Variants in MECOM observed in about 807,000 individuals in gnomAD.
The protein encoded by MECOM is MDS1 and EVI1 complex locus.
In MECOM, 13 loss-of-function variants were observed where a neutral mutation model predicts 116.3. The ratio of observed to expected loss-of-function variants is 0.11; its 90% confidence interval spans 0.07 to 0.18. The LOEUF (loss-of-function observed/expected upper bound fraction) is 0.18, where lower values mean the gene tolerates loss of function less well. Among genes scored for constraint, MECOM ranks in the 10% least tolerant of loss-of-function variants. The probability of loss-of-function intolerance (pLI) is 1.00; values close to 1 mark genes in which losing one functional copy is unlikely to be tolerated. For synonymous variants in MECOM, 528 were observed against 535.2 expected (o/e 0.99, Z 0.19); for missense variants, 1,299 against 1,509.0 (o/e 0.86, Z 2.31).
At chr3:169,428,540 G>A (rs1338312964) in intron 1 of MECOM, among the ~76,000 whole-genome samples, 6 of 152,162 alleles carry the variant, frequency 3.9e-5, no homozygotes, top group East Asian at 1.9e-4. Context: ...GCCGTGGACC[G>A]GTACTGCAGG....
chr3:169,312,596 T>A (rs1719003158), intron 2 of MECOM, among the ~76,000 whole-genome samples: 1 of 152,082 alleles, frequency 6.6e-6, no homozygotes, highest in Admixed American at 6.5e-5. Flanking sequence ...GCCAGGATGG[T>A]CTCGATCTCC....
At chr3:169,092,651 G>C (rs1720117446) in intron 14 of MECOM, among the ~76,000 whole-genome samples, 1 of 152,076 alleles carries the variant, frequency 6.6e-6, no homozygotes, top group Non-Finnish European at 1.5e-5. Context: ...TCTGGAACCA[G>C]AGAGCTCAGG....
intron 2 of MECOM, among the ~76,000 whole-genome samples, chr3:169,191,712 GAAAGAAAA>G (rs1559973074): frequency 6.1e-4 from 27 of 44,332 alleles, no homozygotes; most frequent in East Asian, 4.9e-3. Context: ...AAGAAAGAAA[GAAAGAAAA>G]AAAGAAAGAA....
intron 1 of MECOM, among the ~76,000 whole-genome samples, chr3:169,610,531 A>AT (rs1769133905): frequency 6.7e-6 from 1 of 149,332 alleles, no homozygotes; most frequent in Non-Finnish European, 1.5e-5. Context: ...GTGTGTGTAT[A>AT]ATATCCCTAT....
chr3:169,157,353 C>T (rs1742148737), intron 2 of MECOM, among the ~76,000 whole-genome samples: 1 of 152,162 alleles, frequency 6.6e-6, no homozygotes, highest in South Asian at 2.1e-4. Flanking sequence ...TTTCATGAAA[C>T]ATTTATCCTT....
chr3:169,451,002 C>A (rs1246798587), intron 1 of MECOM, among the ~76,000 whole-genome samples: 2 of 152,176 alleles, frequency 1.3e-5, no homozygotes, highest in African/African-American at 4.8e-5. Context: ...ATAAAAGCCT[C>A]TGGAATATCA....
intron 2 of MECOM, among the ~76,000 whole-genome samples, chr3:169,311,794 C>G (rs1718825645): frequency 6.6e-6 from 1 of 151,968 alleles, no homozygotes; most frequent in African/African-American, 2.4e-5. Context: ...TACTAAAAGA[C>G]AAGCTCATGA....
chr3:169,270,301 A>T (rs900859535), intron 2 of MECOM, among the ~76,000 whole-genome samples: 1 of 152,276 alleles, frequency 6.6e-6, no homozygotes, highest in South Asian at 2.1e-4. Flanking sequence ...AGTGAAAAAT[A>T]AATCCTAAAT....
At chr3:169,513,077 C>T (rs1578310808) in intron 1 of MECOM, among the ~76,000 whole-genome samples, 1 of 152,312 alleles carries the variant, frequency 6.6e-6, no homozygotes, top group East Asian at 1.9e-4. Flanking sequence ...CCAAATGTGA[C>T]TTATTTTGTT....
At chr3:169,183,088 C>G (rs1746187704) in intron 2 of MECOM, among the ~76,000 whole-genome samples, 1 of 152,126 alleles carries the variant, frequency 6.6e-6, no homozygotes, top group Non-Finnish European at 1.5e-5. Flanking sequence ...ACTTATAATG[C>G]TAATCTCATT....
intron 2 of MECOM, among the ~76,000 whole-genome samples, chr3:169,166,069 A>G (rs1455118347): frequency 1.3e-5 from 2 of 152,120 alleles, no homozygotes; most frequent in East Asian, 3.9e-4. Context: ...TCTCTTTTTA[A>G]TTCCTGTTCT....
rs181711360 is a variant in MECOM at position 169,227,670 on chromosome 3, T to A, written c.376-83838A>T. On this transcript the variant is annotated intron_variant, in intron 2 of 16. Transcript: ENST00000651503. ...CACAAACTTTTGCCCAAGAAATGCG[T>A]TGGAAAGGGGGAATGGGTGAAAAGT... Among the ~76,000 whole-genome samples the A allele has an allele frequency of 8.5e-5, 13 of 152,160 alleles. No individual in the cohort carries two copies. The East Asian group carries it at 2.3e-3, about 27-fold the overall frequency.
chr3:169,640,578 C>T (rs1374447210), intron 1 of MECOM, among the ~76,000 whole-genome samples: 3 of 152,194 alleles, frequency 2.0e-5, no homozygotes, highest in Non-Finnish European at 1.5e-5. Context: ...GTAACAGTAG[C>T]AGCTTTACAG....
chr3:169,295,851 A>G (rs989450297), intron 2 of MECOM, among the ~76,000 whole-genome samples: 4 of 152,246 alleles, frequency 2.6e-5, no homozygotes, highest in Admixed American at 6.5e-5. Context: ...AATAAAAAAC[A>G]AGTATTACAA....
At chr3:169,315,882 A>G (rs1281536750) in intron 2 of MECOM, among the ~76,000 whole-genome samples, 2 of 152,240 alleles carry the variant, frequency 1.3e-5, no homozygotes, top group Non-Finnish European at 2.9e-5. Context: ...TGCTATATAA[A>G]GGCATAGCCC....
At chr3:169,594,906 G>T (rs987654600) in intron 1 of MECOM, among the ~76,000 whole-genome samples, 1 of 148,424 alleles carries the variant, frequency 6.7e-6, no homozygotes, top group African/African-American at 2.5e-5. Context: ...AAAAAAACTG[G>T]ATCTATATTC....
intron 1 of MECOM, among the ~76,000 whole-genome samples, chr3:169,645,072 A>T (rs1320536748): frequency 6.6e-6 from 1 of 152,208 alleles, no homozygotes; most frequent in African/African-American, 2.4e-5. Context: ...AACACAGACC[A>T]AATGTACACT....
intron 1 of MECOM, among the ~76,000 whole-genome samples, chr3:169,401,278 A>G (rs1396067413): frequency 6.6e-6 from 1 of 152,192 alleles, no homozygotes; most frequent in East Asian, 1.9e-4. Flanking sequence ...AAAAACATAC[A>G]GCCCTGATCA....
At chr3:169,276,959 A>G (rs1759655682) in intron 2 of MECOM, among the ~76,000 whole-genome samples, 1 of 152,136 alleles carries the variant, frequency 6.6e-6, no homozygotes, top group Admixed American at 6.5e-5. Context: ...TGAAAAACAC[A>G]AACTGCAAAA....
Sources: allele counts gnomAD v4.1 joint callset (sites outside exome capture counted in the v4.1 genomes callset), GRCh38; gene constraint gnomAD v4.1.1; transcripts MANE v1.5; gene names NCBI Gene and HGNC (gene_info 2026-07-23, HGNC 2026-07-21).